The following KIRREL3 variants were observed in gnomAD, a reference collection of about 807,000 sequenced individuals.
KIRREL3 encodes the protein kirre like nephrin family adhesion molecule 3.
A neutral mutation model predicts 89.7 loss-of-function variants in KIRREL3; 36 were observed. The ratio of observed to expected loss-of-function variants is 0.40; its 90% CI spans 0.31 to 0.53. The LOEUF (loss-of-function observed/expected upper bound fraction) is 0.53. Among genes scored for constraint, KIRREL3 ranks in the 20% least tolerant of loss-of-function variants. KIRREL3 has a pLI of 0.49. For synonymous variants in KIRREL3, 445 were observed against 441.4 expected (o/e 1.01, Z -0.10); for missense variants, 864 against 1,056.6 (o/e 0.82, Z 2.53).
chr11:126,618,586 C>T (rs1943451843), intron 1 of KIRREL3, among the ~76,000 whole-genome samples: 1 of 152,146 alleles, frequency 6.6e-6, no homozygotes, highest in Admixed American at 6.5e-5. Context: ...AGGCATGCAC[C>T]ACCATACCTG....
intron 2 of KIRREL3, among the ~76,000 whole-genome samples, chr11:126,554,613 GACA>G (rs1939561593): frequency 6.6e-6 from 1 of 152,180 alleles, no homozygotes; most frequent in Non-Finnish European, 1.5e-5. Flanking sequence ...TCACTTTGCT[GACA>G]ACATCTATGC....
At chr11:126,823,598 CAGTGGGGG>C (rs757652764) in intron 1 of KIRREL3, among the ~76,000 whole-genome samples, 9 of 152,176 alleles carry the variant, frequency 5.9e-5, no homozygotes. Flanking sequence ...TGGGTCCCTG[CAGTGGGGG>C]ACATGGTTTG....
At chr11:126,540,018 A>G (rs552640) in intron 2 of KIRREL3, among the ~76,000 whole-genome samples, 2 of 152,062 alleles carry the variant, frequency 1.3e-5, no homozygotes, top group Non-Finnish European at 2.9e-5. Flanking sequence ...GTTTTGAACC[A>G]TATCGGGATG....
Position 126,807,109 on chromosome 11 carries a change from A to G in KIRREL3, c.55+193346T>C, listed in dbSNP as rs936786232. ...GGGATGAAACTGAGACCCTGCAAGG[A>G]TAACTATCTTTTTCCAAGTTCCCAA... On this transcript the variant is annotated intron_variant, in intron 1 of 16. Transcript: ENST00000525144. This position sits in a 1 kb window ranked among gnomAD's most constrained non-coding sequence, Gnocchi z 4.3. 6.6e-6 allele frequency among the ~76,000 whole-genome samples: 1 copy of G among 152,156 alleles called. No homozygotes were observed. Among genetic ancestry groups the G allele is most frequent in the Non-Finnish European group, 1.5e-5 (1 of 68,040 alleles).
rs1424677444 is a variant in KIRREL3, at chr11:126,906,330, A to G, written c.55+94125T>C. On this transcript the variant is annotated intron_variant, in intron 1 of 16. Transcript: ENST00000525144. This position sits in a 1 kb window ranked among gnomAD's most constrained non-coding sequence, Gnocchi z 4.1. Reference sequence around the variant, plus strand: ...CCACTTTTCGTTGTTTGCTTTCTTAAAAATAAGCATTAAAAGGTAGGGAGG... The same window carrying G: ...CCACTTTTCGTTGTTTGCTTTCTTAGAAATAAGCATTAAAAGGTAGGGAGG... 6.6e-6 allele frequency among the ~76,000 whole-genome samples: 1 copy of G among 152,208 alleles called. No individual in the cohort carries two copies. The highest frequency in any genetic ancestry group is 1.5e-5 in the Non-Finnish European group (1 of 68,030).
chr11:126,511,778 T>G (rs1159222709), intron 4 of KIRREL3, among the ~76,000 whole-genome samples: 1 of 152,248 alleles, frequency 6.6e-6, no homozygotes, highest in Non-Finnish European at 1.5e-5. Flanking sequence ...GGCATTTTCC[T>G]TTCTCATTTC....
chr11:126,948,668 A>C lies in KIRREL3; in HGVS notation c.55+51787T>G, dbSNP rs1948690009. ...TTTTTGCTTTCTTCAAAATCTGGCT[A>C]GGATTTCCACCTCCTCAGGGAGTCT... On this transcript the variant is annotated intron_variant, in intron 1 of 16. Coordinates refer to ENST00000525144, the MANE Select transcript of KIRREL3 (RefSeq NM_032531.4). The surrounding 1 kb of genome is among the most constrained non-coding windows in gnomAD (Gnocchi z 4.5). Among the ~76,000 whole-genome samples the C allele has an allele frequency of 6.6e-6, 1 of 152,238 alleles. No individual in the cohort carries two copies. Among genetic ancestry groups the C allele is most frequent in the Admixed American group, 6.5e-5 (1 of 15,292 alleles).
chr11:126,649,696 C>G (rs1260207856), intron 1 of KIRREL3, among the ~76,000 whole-genome samples: 3 of 152,194 alleles, frequency 2.0e-5, no homozygotes, highest in Non-Finnish European at 4.4e-5. Context: ...CTCCCAGCTG[C>G]TTTCACAGGC....
intron 1 of KIRREL3, among the ~76,000 whole-genome samples, chr11:126,584,975 G>C (rs57994965): frequency 0.22 from 33,639 of 151,072 alleles, 4,799 homozygotes; most frequent in South Asian, 0.41. Context: ...CTGGAGTGCA[G>C]TGGCGCAATC....
intron 12 of KIRREL3, 79 bp from the exon 13 acceptor site, chr11:126,435,382 A>AG: frequency 6.8e-7 from 1 of 1,462,470 alleles, no homozygotes. Flanking sequence ...TAGCTGCTTG[A>AG]GCGGGGCTGG....
intron 1 of KIRREL3, among the ~76,000 whole-genome samples, chr11:126,572,737 C>T (rs1029993947): frequency 2.0e-5 from 3 of 152,138 alleles, no homozygotes; most frequent in African/African-American, 7.2e-5. Context: ...TGGAGAATGC[C>T]TGCCTACTCA....
chr11:126,456,230 C>T (rs1956339442), intron 7 of KIRREL3, 119 bp downstream of exon 7: 7 of 668,322 alleles, frequency 1.0e-5, no homozygotes, highest in Non-Finnish European at 1.9e-5. Flanking sequence ...CTACTGGACA[C>T]GCGGTGTGGA....
At chr11:126,437,282 AAC>A in intron 11 of KIRREL3, among the ~76,000 whole-genome samples, 1 of 152,212 alleles carries the variant, frequency 6.6e-6, no homozygotes. Flanking sequence ...ACAACACACA[AAC>A]ACATCACACG....
chr11:126,602,232 G>C (rs1942692753), intron 1 of KIRREL3, among the ~76,000 whole-genome samples: 1 of 152,172 alleles, frequency 6.6e-6, no homozygotes, highest in Admixed American at 6.5e-5. Context: ...CTCACTGTCA[G>C]AGGTGGCTCC....
rs778995628 is a variant in KIRREL3 at position 126,579,220 on chromosome 11, C to A, written c.56-16308G>T. ...TGGTGCGGGCCCCAGGGAGTTCCAC[C>A]AAGAGCCTTAGGATTTATCATGTGG... On this transcript the variant is annotated intron_variant, in intron 1 of 16. Coordinates refer to ENST00000525144, the MANE Select transcript of KIRREL3 (RefSeq NM_032531.4). The surrounding 1 kb of genome is among the most constrained non-coding windows in gnomAD (Gnocchi z 5.3). Among the ~76,000 whole-genome samples, 2 of 152,148 alleles carry A rather than the reference C, an allele frequency of 1.3e-5. No homozygotes were observed. The highest frequency in any genetic ancestry group is 2.9e-5 in the Non-Finnish European group (2 of 68,024).
intron 15 of KIRREL3, 127 bp from the exon 16 acceptor site, chr11:126,425,851 A>G: frequency 1.4e-6 from 1 of 698,538 alleles, no homozygotes; most frequent in Non-Finnish European, 2.4e-6. Context: ...CACTGCCTGG[A>G]CCATGTGAAA....
rs1465024728 is a variant in KIRREL3 at position 126,917,724 on chromosome 11, C to A, written c.55+82731G>T. Among the ~76,000 whole-genome samples the A allele has an allele frequency of 2.6e-5, 4 of 152,106 alleles. No individual in the cohort carries two copies. Among genetic ancestry groups the A allele is most frequent in the Admixed American group, 2.6e-4 (4 of 15,268 alleles). ...TACTAGAAACCACTCACACTAGAAACCAATAGTGAGGTGGTTGCCACTATT... is the reference window on the plus strand; with the variant it reads ...TACTAGAAACCACTCACACTAGAAAACAATAGTGAGGTGGTTGCCACTATT... On this transcript the variant is annotated intron_variant, in intron 1 of 16. Coordinates refer to ENST00000525144, the MANE Select transcript of KIRREL3 (RefSeq NM_032531.4). The surrounding 1 kb of genome is among the most constrained non-coding windows in gnomAD (Gnocchi z 5.0).
Position 126,924,837 on chromosome 11 carries a change from A to G in KIRREL3, c.55+75618T>C, listed in dbSNP as rs1208783825. On this transcript the variant is annotated intron_variant, in intron 1 of 16. Transcript: ENST00000525144. This position sits in a 1 kb window ranked among gnomAD's most constrained non-coding sequence, Gnocchi z 4.7. ...CCTGGTTAGCCTCTCTGATGTTGAGAATGAAAGTTGTTATTAGCATGATTC... is the reference window on the plus strand; with the variant it reads ...CCTGGTTAGCCTCTCTGATGTTGAGGATGAAAGTTGTTATTAGCATGATTC... Among the ~76,000 whole-genome samples, 2 of 152,066 alleles carry G rather than the reference A, an allele frequency of 1.3e-5. No individual in the cohort carries two copies. Among genetic ancestry groups the G allele is most frequent in the African/African-American group, 2.4e-5 (1 of 41,386 alleles).
Position 126,696,685 on chromosome 11 carries a change from C to T in KIRREL3, c.56-133773G>A, listed in dbSNP as rs1347680536. ...ACCACATCGCATGGCTCATAAGGCC[C>T]TTGGCGAGTTGACATCAGGCTCCCT... On this transcript the variant is annotated intron_variant, in intron 1 of 16. Coordinates refer to ENST00000525144, the MANE Select transcript of KIRREL3 (RefSeq NM_032531.4). The surrounding 1 kb of genome is among the most constrained non-coding windows in gnomAD (Gnocchi z 4.4). 6.6e-6 allele frequency among the ~76,000 whole-genome samples: 1 copy of T among 152,218 alleles called. No individual in the cohort carries two copies. The highest frequency in any genetic ancestry group is 2.4e-5 in the African/African-American group (1 of 41,454).
Sources: allele counts gnomAD v4.1 joint callset (sites outside exome capture counted in the v4.1 genomes callset), GRCh38; gene constraint gnomAD v4.1.1; non-coding constraint Gnocchi (gnomAD v3.1); transcripts MANE v1.5; gene names NCBI Gene and HGNC (gene_info 2026-07-23, HGNC 2026-07-21).